Variants in KAZN observed in about 807,000 individuals in gnomAD.
KAZN encodes kazrin.
In KAZN, 40 loss-of-function variants were observed where a neutral mutation model predicts 87.4. The ratio of observed to expected loss-of-function variants is 0.46; its 90% CI spans 0.36 to 0.60. KAZN has a LOEUF of 0.60. Ranked by LOEUF, KAZN falls within the 20% of genes least tolerant of loss-of-function variation. The pLI is 0.00. For synonymous variants in KAZN, 466 were observed against 458.3 expected (o/e 1.02, Z -0.22); for missense variants, 898 against 1,073.9 (o/e 0.84, Z 2.29).
chr1:14,887,229 A>T (rs1257182761), intron 1 of KAZN, among the ~76,000 whole-genome samples: 1 of 152,166 alleles, frequency 6.6e-6, no homozygotes, highest in Non-Finnish European at 1.5e-5. Context: ...CATGTTTCAA[A>T]AGATTTTTTT....
intron 1 of KAZN, among the ~76,000 whole-genome samples, chr1:14,942,835 CT>C (rs1399068873): frequency 6.6e-6 from 1 of 152,156 alleles, no homozygotes; most frequent in East Asian, 1.9e-4. Context: ...GGATGCTTCT[CT>C]GTACAAGAGA....
In KAZN at chr1:15,067,720, C is replaced by G. The variant is rs74059809; in HGVS notation, c.1222+1967C>G. On this transcript the variant is annotated intron_variant, in intron 8 of 14. Coordinates refer to ENST00000376030, the MANE Select transcript of KAZN (RefSeq NM_201628.3). ...GGTCCAAAAGTCAGCAAACAGCAAG[C>G]AGGCAGAGGCCCTCATAAGGACTTT... The G allele has an allele frequency of 4.8e-3, 4,773 of 985,420 alleles. 173 individuals carry two copies. In the African/African-American group the frequency reaches 0.076, roughly 16 times the overall value. 61.0% of individuals were successfully genotyped at this position (985,420 alleles called of 1,614,324 possible). A position where few individuals can be genotyped will look rare whatever the true frequency, so the allele number is the denominator to read the frequency against.
chr1:15,110,524 T>G (rs1242667647), intron 13 of KAZN, among the ~76,000 whole-genome samples: 16 of 139,860 alleles, frequency 1.1e-4, no homozygotes, highest in African/African-American at 4.3e-4. Context: ...TTTGTGTGTA[T>G]GTGTTTGTGT....
intron 1 of KAZN, among the ~76,000 whole-genome samples, chr1:14,925,723 CCAACCACAAG>C (rs1341696847): frequency 1.3e-5 from 2 of 152,148 alleles, no homozygotes; most frequent in African/African-American, 4.8e-5. Context: ...AAGAAAAAAG[CCAACCACAAG>C]GCCCCCTATT....
chr1:14,312,319 A>G (rs1375385393), intron 2 of KAZN, among the ~76,000 whole-genome samples: 1 of 152,174 alleles, frequency 6.6e-6, no homozygotes, highest in Non-Finnish European at 1.5e-5. Flanking sequence ...TTAAATAACA[A>G]TAATAACAAT....
chr1:14,015,543 C>T (rs551180448), intron 1 of KAZN, among the ~76,000 whole-genome samples: 224 of 124,264 alleles, frequency 1.8e-3, no homozygotes, highest in African/African-American at 6.4e-3. Context: ...TGCAATGGCG[C>T]GATCTCAGCT....
intron 1 of KAZN, among the ~76,000 whole-genome samples, chr1:13,926,652 TAAA>T (rs60345092): frequency 0.033 from 4,767 of 145,096 alleles, 80 homozygotes; most frequent in Middle Eastern, 0.047. Context: ...CTTTAAGAGT[TAAA>T]AAAAAAAAAA....
chr1:14,377,640 A>T (rs1661022927), intron 2 of KAZN, among the ~76,000 whole-genome samples: 1 of 152,178 alleles, frequency 6.6e-6, no homozygotes, highest in African/African-American at 2.4e-5. Flanking sequence ...TGGGCAACAA[A>T]ACTAAGGTTT....
chr1:14,291,407 C>A (rs990129262), intron 2 of KAZN, among the ~76,000 whole-genome samples: 2 of 152,198 alleles, frequency 1.3e-5, no homozygotes, highest in Non-Finnish European at 1.5e-5. Flanking sequence ...ACCCCTCCCC[C>A]AGCCAGGTTG....
intron 1 of KAZN, among the ~76,000 whole-genome samples, chr1:14,154,095 T>C (rs1645536697): frequency 6.6e-6 from 1 of 152,164 alleles, no homozygotes; most frequent in African/African-American, 2.4e-5. Flanking sequence ...CTGTGAGTAG[T>C]GTGGGGATTT....
At chr1:14,849,640 C>A (rs1311341301) in intron 1 of KAZN, among the ~76,000 whole-genome samples, 1 of 152,172 alleles carries the variant, frequency 6.6e-6, no homozygotes, top group African/African-American at 2.4e-5. Flanking sequence ...ACCTAGCCTT[C>A]CTGTCGGTAT....
At chr1:14,267,742 C>T (rs142602038) in intron 2 of KAZN, among the ~76,000 whole-genome samples, 10 of 152,156 alleles carry the variant, frequency 6.6e-5, no homozygotes, top group African/African-American at 2.2e-4. Flanking sequence ...CTGAGGCGGG[C>T]GGATCACTTG....
intron 1 of KAZN, among the ~76,000 whole-genome samples, chr1:14,087,183 C>A (rs907885762): frequency 6.6e-6 from 1 of 152,072 alleles, no homozygotes; most frequent in Non-Finnish European, 1.5e-5. Flanking sequence ...AAATGTTCTT[C>A]GTGTACAGGT....
chr1:15,101,516 C>T (rs760335489), intron 10 of KAZN, 27 bp from the exon 11 acceptor site: 1 of 1,490,962 alleles, frequency 6.7e-7, no homozygotes, highest in Non-Finnish European at 9.2e-7. Flanking sequence ...CCCACCCATC[C>T]ACTCTCTGGC....
intron 1 of KAZN, among the ~76,000 whole-genome samples, chr1:14,033,199 A>G (rs553760172): frequency 4.6e-4 from 70 of 152,328 alleles, no homozygotes; most frequent in African/African-American, 1.6e-3. Context: ...AGGAGAAGCC[A>G]GTGATGAGGA....
At chr1:14,241,554 C>G (rs1301561900) in intron 2 of KAZN, among the ~76,000 whole-genome samples, 2 of 152,200 alleles carry the variant, frequency 1.3e-5, no homozygotes, top group Non-Finnish European at 2.9e-5. Context: ...ACTTAGCATT[C>G]ATTTCTTCAC....
chr1:14,131,539 C>G (rs532970511), intron 1 of KAZN, among the ~76,000 whole-genome samples: 3 of 151,778 alleles, frequency 2.0e-5, no homozygotes, highest in African/African-American at 7.2e-5. Flanking sequence ...CTGCTTGGAT[C>G]TCTTCAATTA....
At chr1:14,393,355 T>G (rs776403571) in intron 2 of KAZN, among the ~76,000 whole-genome samples, 1 of 152,212 alleles carries the variant, frequency 6.6e-6, no homozygotes, top group Non-Finnish European at 1.5e-5. Context: ...GCTATTATCA[T>G]CATGATTATC....
intron 2 of KAZN, among the ~76,000 whole-genome samples, chr1:14,221,256 G>C (rs1647090709): frequency 6.6e-6 from 1 of 151,938 alleles, no homozygotes; most frequent in Admixed American, 6.6e-5. Flanking sequence ...AACTATATTC[G>C]AAAGGTAAGT....
Sources: allele counts gnomAD v4.1 joint callset (sites outside exome capture counted in the v4.1 genomes callset), GRCh38; gene constraint gnomAD v4.1.1; transcripts MANE v1.5; gene names NCBI Gene and HGNC (gene_info 2026-07-23, HGNC 2026-07-21).